DNM3: variants seen among roughly 807,000 people sequenced by gnomAD.
The protein encoded by DNM3 is dynamin-3.
A neutral mutation model predicts 101.6 loss-of-function variants in DNM3; 47 were observed. That is an observed-to-expected ratio of 0.46 (90% CI 0.37 to 0.59). The LOEUF (loss-of-function observed/expected upper bound fraction) is 0.59. Ranked by LOEUF, DNM3 falls within the 20% of genes least tolerant of loss-of-function variation. DNM3 has a pLI of 0.00. For synonymous variants in DNM3, 385 were observed against 387.9 expected, an observed-to-expected ratio of 0.99 and a Z score of 0.09; for missense variants, 849 against 1,085.7, an observed-to-expected ratio of 0.78 and a Z score of 3.06.
At chr1:171,863,505 T>A (rs1269246458) in intron 1 of DNM3, among the ~76,000 whole-genome samples, 1 of 152,178 alleles carries the variant, frequency 6.6e-6, no homozygotes, top group Non-Finnish European at 1.5e-5. Flanking sequence ...ATTTATGAAA[T>A]TTCCCTTTTC....
chr1:172,288,024 A>G (rs1288552178), intron 15 of DNM3, among the ~76,000 whole-genome samples: 1 of 152,152 alleles, frequency 6.6e-6, no homozygotes, highest in Non-Finnish European at 1.5e-5. Flanking sequence ...TACTAAGCTA[A>G]TTCAACCATT....
At position 172,249,561 on chromosome 1, in the gene DNM3, A is replaced by G. The variant is rs944004903; in HGVS notation, c.1660-4012A>G. On this transcript the variant is annotated intron_variant, in intron 14 of 20. Coordinates refer to ENST00000627582, the MANE Select transcript of DNM3 (RefSeq NM_015569.5). ...GAAATATTGCTGGCGACCCTCCTGT[A>G]TTGAGGAAAGATACTATATTTAAAT... 9.2e-5 allele frequency among the ~76,000 whole-genome samples: 14 copies of G among 152,226 alleles called. No homozygotes were observed. The East Asian group carries it at 2.7e-3, about 29-fold the overall frequency.
chr1:172,369,826 G>A (rs1573632393), intron 17 of DNM3, among the ~76,000 whole-genome samples: 2 of 152,052 alleles, frequency 1.3e-5, no homozygotes, highest in East Asian at 3.9e-4. Flanking sequence ...GGTTAAGCAA[G>A]ATAAATGTAT....
chr1:172,236,150 T>C (rs895179345), intron 14 of DNM3, among the ~76,000 whole-genome samples: 2 of 152,302 alleles, frequency 1.3e-5, no homozygotes, highest in Middle Eastern at 3.4e-3. Context: ...CTAAATTACT[T>C]AGAAGGATCT....
chr1:172,304,031 A>G (rs890756992), intron 15 of DNM3, among the ~76,000 whole-genome samples: 2 of 151,900 alleles, frequency 1.3e-5, no homozygotes, highest in Non-Finnish European at 2.9e-5. Context: ...ACATAACAAT[A>G]TTAACCTTAA....
intron 2 of DNM3, among the ~76,000 whole-genome samples, chr1:171,945,881 T>G (rs2042142426): frequency 6.6e-6 from 1 of 152,086 alleles, no homozygotes; most frequent in Non-Finnish European, 1.5e-5. Context: ...GAGAGAATGT[T>G]CTAAACAGGA....
chr1:172,323,214 C>CAT, intron 16 of DNM3, 115 bp from the exon 17 acceptor site: 2 of 1,115,276 alleles, frequency 1.8e-6, no homozygotes, highest in South Asian at 1.7e-5. Context: ...GCAAGAAAAA[C>CAT]CTCATTTTAT....
chr1:171,927,209 C>A (rs567241723), intron 2 of DNM3, among the ~76,000 whole-genome samples: 1 of 152,290 alleles, frequency 6.6e-6, no homozygotes, highest in Non-Finnish European at 1.5e-5. Flanking sequence ...TTTCAGGATA[C>A]ACTATCAATA....
At chr1:172,011,822 C>G (rs926337933) in intron 4 of DNM3, among the ~76,000 whole-genome samples, 5 of 151,962 alleles carry the variant, frequency 3.3e-5, no homozygotes, top group African/African-American at 1.2e-4. Flanking sequence ...TTTCCACTTG[C>G]AAAATGATAA....
intron 15 of DNM3, among the ~76,000 whole-genome samples, chr1:172,303,324 T>G (rs1327566580): frequency 6.6e-6 from 1 of 151,894 alleles, no homozygotes; most frequent in African/African-American, 2.4e-5. Context: ...AGAAGAGAAC[T>G]TTAGAGAAAA....
chr1:172,100,861 T>C (rs1243922235), intron 13 of DNM3, among the ~76,000 whole-genome samples: 2 of 152,186 alleles, frequency 1.3e-5, no homozygotes, highest in East Asian at 3.8e-4. Context: ...ATGACTGTCA[T>C]CAGTCTCCAG....
chr1:172,044,758 A>G (rs2049645207), intron 9 of DNM3, among the ~76,000 whole-genome samples: 3 of 152,204 alleles, frequency 2.0e-5, no homozygotes, highest in Admixed American at 1.3e-4. Flanking sequence ...GAGGCCAGAC[A>G]TGCTCATAAT....
At chr1:172,119,148 A>G (rs1032872603) in intron 13 of DNM3, among the ~76,000 whole-genome samples, 2 of 151,750 alleles carry the variant, frequency 1.3e-5, no homozygotes, top group African/African-American at 4.8e-5. Flanking sequence ...ATGCACCACC[A>G]CACCCAGTTA....
rs1337049497 is a variant in DNM3 at position 172,308,710 on chromosome 1, T to C, written c.1770-18T>C. ...TGGTTCAAACTAAAAGCATGATTTTTTTTTTTTTTAACTCCAGGAATGTAT... is the reference window on the plus strand; with the variant it reads ...TGGTTCAAACTAAAAGCATGATTTTCTTTTTTTTTAACTCCAGGAATGTAT... On this transcript the variant is annotated intron_variant, in intron 15 of 20. Transcript: ENST00000627582. 3 of 1,461,704 alleles carry C rather than the reference T, an allele frequency of 2.1e-6. No homozygotes were observed. Among genetic ancestry groups the C allele is most frequent in the Non-Finnish European group, 2.8e-6 (3 of 1,085,694 alleles). 90.5% of individuals were successfully genotyped at this position (1,461,704 alleles called of 1,614,324 possible).
At chr1:172,194,977 C>T (rs2059894071) in intron 14 of DNM3, among the ~76,000 whole-genome samples, 1 of 151,994 alleles carries the variant, frequency 6.6e-6, no homozygotes, top group South Asian at 2.1e-4. Flanking sequence ...TACCATTTGG[C>T]ATGTTTTTCT....
At chr1:172,357,311 A>G (rs1342016766) in intron 17 of DNM3, among the ~76,000 whole-genome samples, 1 of 152,086 alleles carries the variant, frequency 6.6e-6, no homozygotes, top group African/African-American at 2.4e-5. Context: ...AAAAATAGAA[A>G]CTTTACAGTG....
At chr1:172,179,526 G>GT (rs1366674986) in intron 14 of DNM3, among the ~76,000 whole-genome samples, 6 of 151,462 alleles carry the variant, frequency 4.0e-5, no homozygotes, top group Admixed American at 1.3e-4. Flanking sequence ...GAGGGGAGAA[G>GT]TTTTTTTTGC....
At chr1:171,906,522 GT>G in intron 1 of DNM3, among the ~76,000 whole-genome samples, 1 of 151,986 alleles carries the variant, frequency 6.6e-6, no homozygotes, top group South Asian at 2.1e-4. Context: ...GACAAGAAAT[GT>G]TTGCACAGAA....
chr1:171,957,689 CA>C (rs1418911716), intron 2 of DNM3, among the ~76,000 whole-genome samples: 3 of 152,186 alleles, frequency 2.0e-5, no homozygotes, highest in Non-Finnish European at 4.4e-5. Flanking sequence ...ATCTGTAGGA[CA>C]GGGACAAAAT....
Sources: gnomAD v4.1 joint callset for allele counts (sites outside exome capture counted in the v4.1 genomes callset) on GRCh38, gnomAD v4.1.1 for gene constraint, MANE v1.5 for transcripts, NCBI Gene and HGNC (gene_info 2026-07-23, HGNC 2026-07-21) for gene names.